TCF12: variants seen among roughly 807,000 people sequenced by gnomAD.
TCF12 encodes transcription factor 12.
In TCF12, 45 loss-of-function variants were observed where a neutral mutation model predicts 86.0. The ratio of observed to expected loss-of-function variants is 0.52; its 90% confidence interval spans 0.41 to 0.67. The LOEUF (loss-of-function observed/expected upper bound fraction) is 0.67, where lower values mean the gene tolerates loss of function less well. Among genes scored for constraint, TCF12 ranks in the 30% least tolerant of loss-of-function variants. The pLI, the probability that TCF12 is intolerant of heterozygous loss-of-function variation, is 0.00. For synonymous variants in TCF12, 330 were observed against 299.6 expected, an observed-to-expected ratio of 1.10 and a Z score of -1.05; for missense variants, 881 against 859.9, an observed-to-expected ratio of 1.02 and a Z score of -0.31.
intron 8 of TCF12, chr15:57,218,976 A>G: frequency 1.0e-6 from 1 of 972,492 alleles, no homozygotes; most frequent in Non-Finnish European, 1.2e-6. Flanking sequence ...CCTTCTTGTT[A>G]CACATGATTC....
At chr15:57,229,805 T>C (rs2059049064) in intron 8 of TCF12, among the ~76,000 whole-genome samples, 3 of 151,942 alleles carry the variant, frequency 2.0e-5, no homozygotes, top group Admixed American at 2.0e-4. Context: ...CTCATGCAAG[T>C]AGTGTTAACA....
intron 3 of TCF12, among the ~76,000 whole-genome samples, chr15:57,063,406 A>G (rs2068609150): frequency 6.6e-6 from 1 of 152,228 alleles, no homozygotes; most frequent in Non-Finnish European, 1.5e-5. Context: ...TCATGTAGGC[A>G]GTACTAAACC....
chr15:56,995,911 A>G (rs1355902359), intron 3 of TCF12, among the ~76,000 whole-genome samples: 2 of 152,136 alleles, frequency 1.3e-5, no homozygotes, highest in African/African-American at 4.8e-5. Context: ...GTATGATATT[A>G]GCTGTGGGTT....
intron 4 of TCF12, among the ~76,000 whole-genome samples, chr15:57,076,948 T>A (rs1227812571): frequency 6.6e-6 from 1 of 152,204 alleles, no homozygotes; most frequent in African/African-American, 2.4e-5. Flanking sequence ...TTATCTCTGT[T>A]AAAAATCTGT....
chr15:57,071,478 C>G (rs1456896650), intron 4 of TCF12, among the ~76,000 whole-genome samples: 1 of 152,074 alleles, frequency 6.6e-6, no homozygotes, highest in Non-Finnish European at 1.5e-5. Flanking sequence ...AACCCCATCT[C>G]TTAAAAATTT....
intron 5 of TCF12, among the ~76,000 whole-genome samples, chr15:57,129,088 C>T (rs1303585224): frequency 2.0e-5 from 3 of 152,300 alleles, no homozygotes; most frequent in African/African-American, 4.8e-5. Flanking sequence ...GGTGTTTAAC[C>T]ATTTGAGGAA....
intron 4 of TCF12, among the ~76,000 whole-genome samples, chr15:57,080,362 A>G (rs1457327765): frequency 2.0e-5 from 3 of 152,180 alleles, no homozygotes; most frequent in African/African-American, 7.2e-5. Flanking sequence ...TCTGCCTTTG[A>G]TGTTAAGTAG....
chr15:57,275,359 T>TGC (rs1555417689), intron 19 of TCF12, among the ~76,000 whole-genome samples: 2 of 23,970 alleles, frequency 8.3e-5, no homozygotes, highest in African/African-American at 1.8e-4. Flanking sequence ...TGTGTGTGTG[T>TGC]GTGTACGTAT....
At chr15:57,182,821 A>T (rs1325654810) in intron 6 of TCF12, among the ~76,000 whole-genome samples, 2 of 152,154 alleles carry the variant, frequency 1.3e-5, no homozygotes, top group Non-Finnish European at 2.9e-5. Flanking sequence ...TTGCATAGAT[A>T]AAAAATCTGC....
chr15:57,219,519 A>T, intron 8 of TCF12: 1 of 1,611,068 alleles, frequency 6.2e-7, no homozygotes, highest in Non-Finnish European at 8.5e-7. Flanking sequence ...TTTCAAAATC[A>T]ACATGTATTG....
chr15:57,190,683 C>T (rs1425597707), intron 6 of TCF12, among the ~76,000 whole-genome samples: 1 of 152,102 alleles, frequency 6.6e-6, no homozygotes, highest in East Asian at 1.9e-4. Flanking sequence ...GAGAGGGTTA[C>T]TGCATTAGTA....
intron 3 of TCF12, among the ~76,000 whole-genome samples, chr15:57,008,316 A>G (rs1490664465): frequency 6.6e-6 from 1 of 151,934 alleles, no homozygotes; most frequent in Admixed American, 6.6e-5. Flanking sequence ...AATTTTTTAA[A>G]AAATTGTTAT....
chr15:56,946,034 T>G (rs1167422474), intron 3 of TCF12, among the ~76,000 whole-genome samples: 3 of 152,214 alleles, frequency 2.0e-5, no homozygotes, highest in Non-Finnish European at 4.4e-5. Context: ...ATAAGACATT[T>G]CTTTTCTTTA....
At chr15:57,181,260 TTTTTTTA>T (rs1305967397) in intron 6 of TCF12, among the ~76,000 whole-genome samples, 14 of 152,036 alleles carry the variant, frequency 9.2e-5, no homozygotes, top group Admixed American at 6.5e-5. Context: ...CCCTTTCTGT[TTTTTTTA>T]TTTTTTATTT....
At chr15:57,106,890 A>G (rs1393213355) in intron 5 of TCF12, among the ~76,000 whole-genome samples, 2 of 152,270 alleles carry the variant, frequency 1.3e-5, no homozygotes, top group African/African-American at 4.8e-5. Context: ...GTATTAAAAC[A>G]ACCAAAATCC....
intron 3 of TCF12, among the ~76,000 whole-genome samples, chr15:56,982,400 CTT>C (rs1366033492): frequency 6.6e-6 from 1 of 152,084 alleles, no homozygotes; most frequent in East Asian, 1.9e-4. Context: ...AATTCAAAAT[CTT>C]TTAATTTTGA....
chr15:57,189,074 C>T (rs2056841404), intron 6 of TCF12, among the ~76,000 whole-genome samples: 1 of 152,212 alleles, frequency 6.6e-6, no homozygotes, highest in African/African-American at 2.4e-5. Context: ...CAGGCGTGAG[C>T]TGCCACGCCT....
intron 18 of TCF12, among the ~76,000 whole-genome samples, chr15:57,266,204 A>G (rs967975453): frequency 2.6e-5 from 4 of 151,894 alleles, no homozygotes; most frequent in Admixed American, 2.6e-4. Context: ...CAGCCTCCCA[A>G]GTAGCTGGGA....
chr15:56,933,098 G>C (rs1456525299), intron 3 of TCF12, among the ~76,000 whole-genome samples: 1 of 152,106 alleles, frequency 6.6e-6, no homozygotes. Flanking sequence ...TTTAGTTGAG[G>C]TCAGAGAAAA....
Sources: allele counts gnomAD v4.1 joint callset (sites outside exome capture counted in the v4.1 genomes callset), GRCh38; gene constraint gnomAD v4.1.1; transcripts MANE v1.5; gene names NCBI Gene and HGNC (gene_info 2026-07-23, HGNC 2026-07-21).